ANK2: variants seen among roughly 807,000 people sequenced by gnomAD.
The protein encoded by ANK2 is ankyrin 2.
A neutral mutation model predicts 360.5 loss-of-function variants in ANK2; 83 were observed. That is an observed-to-expected ratio of 0.23 (90% CI 0.19 to 0.28). The LOEUF is 0.28. ANK2 is among the 10% of genes least tolerant of loss of function. ANK2 has a pLI of 1.00. For missense variants in ANK2, 4,201 were observed against 4,795.7 expected (o/e 0.88, Z 3.66); for synonymous variants, 1,740 against 1,759.5 (o/e 0.99, Z 0.28).
the ANK2 span, among the ~76,000 whole-genome samples, chr4:112,711,672 T>G: frequency 6.6e-6 from 1 of 151,490 alleles, no homozygotes; most frequent in Non-Finnish European, 1.5e-5. Flanking sequence ...CAAAAAAAAT[T>G]AGCCGGGTGT....
At chr4:112,739,866 G>A in the ANK2 span, among the ~76,000 whole-genome samples, 1 of 152,018 alleles carries the variant, frequency 6.6e-6, no homozygotes, top group Non-Finnish European at 1.5e-5. Flanking sequence ...ACAAAAATTA[G>A]CCAGTCTGTA....
chr4:113,178,148 A>C (rs1192442346), intron 2 of ANK2, among the ~76,000 whole-genome samples: 11 of 152,130 alleles, frequency 7.2e-5, no homozygotes, highest in Admixed American at 7.2e-4. Context: ...TTGGGATTAC[A>C]GTGGGAGGCT....
chr4:113,138,376 G>A (rs1000005431), intron 1 of ANK2, among the ~76,000 whole-genome samples: 1 of 152,176 alleles, frequency 6.6e-6, no homozygotes. Flanking sequence ...TGATGTCGGT[G>A]CAACACAACT....
chr4:113,129,816 ATAAACT>A (rs1383464844), intron 1 of ANK2, among the ~76,000 whole-genome samples: 4 of 152,162 alleles, frequency 2.6e-5, no homozygotes, highest in Non-Finnish European at 4.4e-5. Flanking sequence ...TTTGAGTAAA[ATAAACT>A]TAAAAGACCC....
chr4:113,020,435 A>G (rs1579197895), intron 2 of ANK2, among the ~76,000 whole-genome samples: 3 of 152,092 alleles, frequency 2.0e-5, no homozygotes, highest in Non-Finnish European at 2.9e-5. Flanking sequence ...GGCTCAAGCT[A>G]TCTCCCCACT....
intron 4 of ANK2, among the ~76,000 whole-genome samples, chr4:113,213,252 T>C (rs2153458347): frequency 6.6e-6 from 1 of 152,352 alleles, no homozygotes; most frequent in Non-Finnish European, 1.5e-5. Context: ...TACATTTGCT[T>C]GTGTCATAAT....
intron 2 of ANK2, among the ~76,000 whole-genome samples, chr4:112,951,775 G>C (rs575652377): frequency 6.6e-6 from 1 of 152,168 alleles, no homozygotes; most frequent in African/African-American, 2.4e-5. Context: ...AATTTATGTA[G>C]AGGGAGCACA....
intron 1 of ANK2, among the ~76,000 whole-genome samples, chr4:113,101,097 A>G (rs1352588577): frequency 6.6e-6 from 1 of 152,156 alleles, no homozygotes. Context: ...CCAAACTCAT[A>G]GAACTGTACA....
intron 2 of ANK2, among the ~76,000 whole-genome samples, chr4:113,177,746 A>G (rs1474157853): frequency 6.6e-6 from 1 of 152,226 alleles, no homozygotes; most frequent in Non-Finnish European, 1.5e-5. Flanking sequence ...AAAGGAAAGA[A>G]CATTTATTTC....
chr4:112,719,363 C>G, the ANK2 span, among the ~76,000 whole-genome samples: 1 of 152,134 alleles, frequency 6.6e-6, no homozygotes, highest in Non-Finnish European at 1.5e-5. Flanking sequence ...GGGGAAAACA[C>G]TTAGTACTCA....
intron 8 of ANK2, among the ~76,000 whole-genome samples, chr4:113,241,089 C>T (rs1296174801): frequency 6.6e-6 from 1 of 152,072 alleles, no homozygotes; most frequent in Admixed American, 6.5e-5. Context: ...AATTCACTTA[C>T]ATGATAATGG....
chr4:113,111,443 T>C (rs1030654784), intron 1 of ANK2, among the ~76,000 whole-genome samples: 1 of 152,182 alleles, frequency 6.6e-6, no homozygotes, highest in East Asian at 1.9e-4. Flanking sequence ...CACAAAAGCA[T>C]CCTCAGTGAC....
intron 41 of ANK2, 73 bp downstream of exon 41, chr4:113,365,255 A>G (rs1589178275): frequency 6.6e-7 from 1 of 1,506,322 alleles, no homozygotes; most frequent in East Asian, 2.4e-5. Context: ...TGGTTAATTG[A>G]GGCACTGGAC....
the ANK2 span, among the ~76,000 whole-genome samples, chr4:112,804,624 G>A: frequency 1.3e-5 from 2 of 152,306 alleles, no homozygotes; most frequent in East Asian, 3.9e-4. Context: ...TGTAACATGT[G>A]AGGTGGGAGG....
At chr4:112,911,850 A>T (rs1436980430) in intron 2 of ANK2, among the ~76,000 whole-genome samples, 2 of 152,200 alleles carry the variant, frequency 1.3e-5, no homozygotes, top group African/African-American at 2.4e-5. Flanking sequence ...TTAATTGATT[A>T]TTGTGTTAAT....
At chr4:113,372,431 A>T in intron 43 of ANK2, 1 of 711,946 alleles carries the variant, frequency 1.4e-6, no homozygotes, top group Non-Finnish European at 2.3e-6. Flanking sequence ...CAAAGCCTCC[A>T]TGAATAAAAG....
At chr4:113,055,510 G>C (rs2069238110) in intron 1 of ANK2, among the ~76,000 whole-genome samples, 1 of 152,186 alleles carries the variant, frequency 6.6e-6, no homozygotes, top group Admixed American at 6.5e-5. Flanking sequence ...CTTTAATTTT[G>C]ATTAGATGTG....
intron 5 of ANK2, among the ~76,000 whole-genome samples, chr4:113,236,765 G>A (rs778924819): frequency 6.6e-6 from 1 of 152,164 alleles, no homozygotes; most frequent in Non-Finnish European, 1.5e-5. Context: ...GAATGCGGAT[G>A]TTTTTCAAAA....
In ANK2 at chr4:113,336,037, C is replaced by G. The variant is rs771751897; in HGVS notation, c.3571C>G (p.Arg1191Gly). ...CTTCCCAGAGGGGGCACTCACCAAG[C>G]GGATCCGCGTAGGCCTGCAGGTATG... Reference protein sequence around the residue: ...AVFPEGALTKRIRVGLQAQPM... With the variant: ...AVFPEGALTKGIRVGLQAQPM... The change falls in exon 30 of 46, where the codon CGG (arginine) becomes GGG (glycine). Residue 1191 changes from arginine (R) to glycine (G), a missense_variant. Coordinates refer to ENST00000357077, the MANE Select transcript of ANK2 (RefSeq NM_001148.6). The G allele has an allele frequency of 6.2e-7, 1 of 1,613,854 alleles. No homozygotes were observed. Among genetic ancestry groups the G allele is most frequent in the Admixed American group, 1.7e-5 (1 of 59,998 alleles).
Sources: gnomAD v4.1 joint callset for allele counts (sites outside exome capture counted in the v4.1 genomes callset) on GRCh38, gnomAD v4.1.1 for gene constraint, MANE v1.5 for transcripts, NCBI Gene and HGNC (gene_info 2026-07-23, HGNC 2026-07-21) for gene names.